TRIM5: variants seen among roughly 807,000 people sequenced by gnomAD.
TRIM5 encodes tripartite motif containing 5, also known as tripartite motif-containing protein 5.
Under a neutral mutation model 35.6 loss-of-function variants are expected in TRIM5, and 31 were observed. That is an observed-to-expected ratio of 0.87 (90% CI 0.65 to 1.18). TRIM5 has a LOEUF of 1.18. TRIM5 is among the 50% of genes most tolerant of loss of function. TRIM5 has a pLI of 0.00. For synonymous variants in TRIM5, 243 were observed against 215.6 expected, an observed-to-expected ratio of 1.13 and a Z score of -1.11; for missense variants, 609 against 591.6, an observed-to-expected ratio of 1.03 and a Z score of -0.31.
chr11:5,651,266 G>A, the TRIM5 span, among the ~76,000 whole-genome samples: 2 of 152,236 alleles, frequency 1.3e-5, no homozygotes, highest in East Asian at 3.9e-4. Context: ...ATTAATTTAG[G>A]TTCAGGGGTA....
chr11:5,604,569 C>T, the TRIM5 span: 23 of 1,612,716 alleles, frequency 1.4e-5, no homozygotes, highest in South Asian at 5.5e-5. Flanking sequence ...AGCTGAAGAA[C>T]GAGGAGCAGG....
chr11:5,616,277 TGTCTTC>T, the TRIM5 span, among the ~76,000 whole-genome samples: 4 of 145,500 alleles, frequency 2.7e-5, no homozygotes, highest in Non-Finnish European at 4.6e-5. Flanking sequence ...AAACTATTTG[TGTCTTC>T]GTACTCCAGC....
chr11:5,627,578 T>TA, the TRIM5 span, among the ~76,000 whole-genome samples: 1 of 152,192 alleles, frequency 6.6e-6, no homozygotes, highest in African/African-American at 2.4e-5. Flanking sequence ...GATTCTATGT[T>TA]AAAAAATAGC....
the TRIM5 span, chr11:5,596,788 G>T: frequency 6.4e-7 from 1 of 1,567,844 alleles, no homozygotes. Context: ...AAAGCCGAGT[G>T]AGCGCGCTCT....
chr11:5,633,799 C>T, the TRIM5 span: 1 of 1,612,978 alleles, frequency 6.2e-7, no homozygotes, highest in Non-Finnish European at 8.5e-7. Flanking sequence ...ATTCCCTTCT[C>T]ATAGGAGAAA....
At chr11:5,675,922 A>G (rs202056556) in intron 4 of TRIM5, among the ~76,000 whole-genome samples, 1 of 106,800 alleles carries the variant, frequency 9.4e-6, no homozygotes, top group Non-Finnish European at 2.1e-5. Flanking sequence ...TCATTGTTCA[A>G]TTCCCACCTA....
chr11:5,678,006 G>T, intron 4 of TRIM5, 198 bp downstream of exon 4: 1 of 506,100 alleles, frequency 2.0e-6, no homozygotes, highest in Non-Finnish European at 3.4e-6. Flanking sequence ...TTTTTCTACT[G>T]CTCTGGATAA....
At chr11:5,633,688 C>T in the TRIM5 span, 1 of 992,302 alleles carries the variant, frequency 1.0e-6, no homozygotes, top group African/African-American at 1.6e-5. Flanking sequence ...TCACCAGCTT[C>T]ACAGTTTCTG....
chr11:5,666,776 GCA>G (rs1851176635), intron 5 of TRIM5, among the ~76,000 whole-genome samples: 1 of 152,192 alleles, frequency 6.6e-6, no homozygotes, highest in Admixed American at 6.5e-5. Flanking sequence ...CACAAGAATA[GCA>G]CCTTTTTATG....
At chr11:5,636,468 T>C in the TRIM5 span, among the ~76,000 whole-genome samples, 1 of 152,212 alleles carries the variant, frequency 6.6e-6, no homozygotes, top group Non-Finnish European at 1.5e-5. Context: ...TCGTGAATAT[T>C]TTAAAGCCTG....
At chr11:5,643,773 C>A in the TRIM5 span, 1 of 1,515,396 alleles carries the variant, frequency 6.6e-7, no homozygotes, top group Admixed American at 2.2e-5. Context: ...GACTCATCTG[C>A]AACATTCACA....
At chr11:5,641,334 G>A in the TRIM5 span, 21 of 1,530,020 alleles carry the variant, frequency 1.4e-5, no homozygotes, top group Middle Eastern at 1.7e-4. Context: ...GCTGGTCCCC[G>A]ATGAGTATTT....
At chr11:5,591,049 G>T in the TRIM5 span, 1 of 161,872 alleles carries the variant, frequency 6.2e-6, no homozygotes, top group South Asian at 2.0e-4. Context: ...TAAAGATGGA[G>T]AGAAATAAAT....
chr11:5,643,231 C>G, the TRIM5 span: 8 of 1,613,318 alleles, frequency 5.0e-6, no homozygotes, highest in Non-Finnish European at 6.8e-6. Context: ...CCAATTTGGC[C>G]TTTTCAGTGT....
At chr11:5,592,216 G>GTT in the TRIM5 span, among the ~76,000 whole-genome samples, 1 of 152,172 alleles carries the variant, frequency 6.6e-6, no homozygotes, top group South Asian at 2.1e-4. Flanking sequence ...CAAAATTCAT[G>GTT]TTTTATTCAT....
At chr11:5,592,335 C>T in the TRIM5 span, among the ~76,000 whole-genome samples, 2,017 of 152,198 alleles carry the variant, frequency 0.013, 50 homozygotes, top group African/African-American at 0.045. Context: ...CCTAAGTACT[C>T]CACATATACT....
chr11:5,610,973 C>T, the TRIM5 span: 1 of 1,614,140 alleles, frequency 6.2e-7, no homozygotes, highest in South Asian at 1.1e-5. Flanking sequence ...AGAAGACTGC[C>T]TGGATCCTGG....
rs867158023 is a variant in TRIM5, at chr11:5,679,796, T to C, written c.382A>G (p.Thr128Ala). ...CGGGCAACCTCCTCTGTGAGGAACG[T>C]GTGGTGACCACGGTGCTCCTGAGAC... is the stretch of plus-strand genomic sequence containing the variant. ...ERSQEHRGHHTFLTEEVAREY... is the reference protein window; with the variant it reads ...ERSQEHRGHHAFLTEEVAREY... Residue 128 changes from threonine to alanine, a missense_variant, in exon 2 of 8, where the codon ACG (threonine) becomes GCG (alanine). Coordinates refer to ENST00000380034, the MANE Select transcript of TRIM5 (RefSeq NM_033034.3). 1 of 1,610,376 alleles carries C rather than the reference T, an allele frequency of 6.2e-7. No homozygotes were observed.
the TRIM5 span, among the ~76,000 whole-genome samples, chr11:5,641,925 A>T: frequency 2.4e-3 from 362 of 152,216 alleles, 1 homozygote; most frequent in African/African-American, 8.3e-3. Flanking sequence ...ACTGGAGTTC[A>T]GGCTTTGAAC....
Sources: allele counts gnomAD v4.1 joint callset (sites outside exome capture counted in the v4.1 genomes callset), GRCh38; gene constraint gnomAD v4.1.1; transcripts MANE v1.5; gene names NCBI Gene and HGNC (gene_info 2026-07-23, HGNC 2026-07-21).